The following CDH7 variants were observed in gnomAD, a reference collection of about 807,000 sequenced individuals.
CDH7 encodes cadherin 7.
Under a neutral mutation model 71.8 loss-of-function variants are expected in CDH7, and 25 were observed. The ratio of observed to expected loss-of-function variants is 0.35; its 90% confidence interval spans 0.25 to 0.49. CDH7 has a LOEUF of 0.49. Among genes scored for constraint, CDH7 ranks in the 20% least tolerant of loss-of-function variants. CDH7 has a pLI of 0.99. For synonymous variants in CDH7, 381 were observed against 363.8 expected, an observed-to-expected ratio of 1.05 and a Z score of -0.54; for missense variants, 862 against 974.6, an observed-to-expected ratio of 0.88 and a Z score of 1.54.
At chr18:65,837,835 A>G (rs1912584381) in intron 6 of CDH7, among the ~76,000 whole-genome samples, 1 of 152,076 alleles carries the variant, frequency 6.6e-6, no homozygotes, top group African/African-American at 2.4e-5. Flanking sequence ...ATTTAAATGT[A>G]CAGAATTATT....
At chr18:65,825,499 G>A in intron 6 of CDH7, among the ~76,000 whole-genome samples, 1 of 151,740 alleles carries the variant, frequency 6.6e-6, no homozygotes, top group East Asian at 1.9e-4. Context: ...TCAATTTAGA[G>A]ATATGACTTT....
At chr18:65,786,787 A>G (rs1402976526) in intron 2 of CDH7, among the ~76,000 whole-genome samples, 1 of 152,050 alleles carries the variant, frequency 6.6e-6, no homozygotes, top group African/African-American at 2.4e-5. Context: ...GGTCTCAAAC[A>G]ATCATCCCAC....
At chr18:65,784,529 G>T (rs1443156693) in intron 2 of CDH7, among the ~76,000 whole-genome samples, 3 of 152,136 alleles carry the variant, frequency 2.0e-5, no homozygotes, top group Admixed American at 2.0e-4. Flanking sequence ...ATTCCAGTGG[G>T]TGAAGTGCTC....
intron 11 of CDH7, among the ~76,000 whole-genome samples, chr18:65,867,325 G>A (rs184877731): frequency 6.6e-5 from 10 of 152,138 alleles, no homozygotes; most frequent in East Asian, 5.8e-4. Flanking sequence ...GTGAGCCACC[G>A]TGCCCGGCCT....
chr18:65,829,773 G>GTAGT (rs1274691256), intron 6 of CDH7, among the ~76,000 whole-genome samples: 1 of 98,050 alleles, frequency 1.0e-5, no homozygotes, highest in Admixed American at 1.1e-4. Context: ...TTCAAGGAAG[G>GTAGT]GAGTGTGTGT....
chr18:65,854,388 G>A (rs375326547), intron 7 of CDH7, among the ~76,000 whole-genome samples: 9 of 152,180 alleles, frequency 5.9e-5, no homozygotes, highest in African/African-American at 2.2e-4. Flanking sequence ...AACTTTTGTT[G>A]CCCATGTTTT....
At chr18:65,842,094 C>T (rs1465063116) in intron 6 of CDH7, among the ~76,000 whole-genome samples, 1 of 152,116 alleles carries the variant, frequency 6.6e-6, no homozygotes, top group African/African-American at 2.4e-5. Flanking sequence ...CCTTATCTCT[C>T]ATTTTAACCA....
rs1380843261 is a variant in CDH7 at position 65,809,846 on chromosome 18, A to G, written c.353A>G (p.Tyr118Cys). The G allele has an allele frequency of 6.2e-7, 1 of 1,613,810 alleles. No individual in the cohort carries two copies. The highest frequency in any genetic ancestry group is 8.5e-7 in the Non-Finnish European group (1 of 1,179,964). Residue 118 changes from tyrosine (Y) to cysteine (C), a missense_variant, in exon 3 of 12, where the codon TAC (tyrosine) becomes TGC (cysteine). Coordinates refer to ENST00000397968, the MANE Select transcript of CDH7 (RefSeq NM_004361.5). Reference sequence around the variant, plus strand: ...CTGGATCGTGAGGAGCAGGCCTACTACACGCTCCGAGCTCAAGCGCTGGAT... The same window carrying G: ...CTGGATCGTGAGGAGCAGGCCTACTGCACGCTCCGAGCTCAAGCGCTGGAT... ...KRLDREEQAY[Y>C]TLRAQALDRL...
chr18:65,781,954 TTCTCTCTTTC>T lies in CDH7; in HGVS notation c.210+18910_210+18919del, dbSNP rs1220771951. ...TCTCTCTCTCTCTCTCTTTCTCTCT[TTCTCTCTTTC>T]TCTCTCTCTCTCTCTCTCTCTCTTT... On this transcript the variant is annotated intron_variant, in intron 2 of 11. Transcript: ENST00000397968. 4.0e-4 allele frequency among the ~76,000 whole-genome samples: 34 copies of T among 83,984 alleles called. 7 individuals are homozygous for T. Among genetic ancestry groups the T allele is most frequent in the Middle Eastern group, 6.2e-3 (1 of 162 alleles). The allele number at this position is 83,984 out of a possible 152,430, so 55.1% of individuals were successfully genotyped here.
intron 5 of CDH7, among the ~76,000 whole-genome samples, chr18:65,823,524 T>G (rs1912014933): frequency 6.6e-6 from 1 of 151,916 alleles, no homozygotes; most frequent in African/African-American, 2.4e-5. Context: ...TATTCATTTT[T>G]GCTGGGATTT....
At chr18:65,869,119 A>G (rs747413994) in intron 11 of CDH7, among the ~76,000 whole-genome samples, 70 of 152,154 alleles carry the variant, frequency 4.6e-4, no homozygotes, top group Non-Finnish European at 9.4e-4. Context: ...TCTCGCTTGC[A>G]TCCTCCATGG....
At position 65,814,681 on chromosome 18, in the gene CDH7, G is replaced by C. The variant is rs1210181686; in HGVS notation, c.625+77G>C. 4.6e-6 allele frequency: 6 copies of C among 1,296,480 alleles called. No individual in the cohort carries two copies. In the African/African-American group the frequency reaches 9.0e-5, roughly 19 times the overall value. 80.3% of individuals were successfully genotyped at this position (1,296,480 alleles called of 1,614,324 possible). A position where few individuals can be genotyped will look rare whatever the true frequency, so the allele number is the denominator to read the frequency against. ...AGAATTAATATTATTTCTAAATATA[G>C]TTGACACTAATAACATACCATTTTA... On this transcript the variant is annotated intron_variant, in intron 4 of 11. Transcript: ENST00000397968.
At chr18:65,830,914 C>T (rs2143959467) in intron 6 of CDH7, among the ~76,000 whole-genome samples, 1 of 151,818 alleles carries the variant, frequency 6.6e-6, no homozygotes, top group African/African-American at 2.4e-5. Flanking sequence ...TTTTATGTCC[C>T]CCACACCTAG....
chr18:65,864,000 T>C (rs915787189), intron 11 of CDH7: 2 of 152,238 alleles, frequency 1.3e-5, no homozygotes, highest in Non-Finnish European at 2.9e-5. Context: ...TGGAAAATTA[T>C]AAGCTAAGAC....
chr18:65,830,823 C>T (rs191355643), intron 6 of CDH7, among the ~76,000 whole-genome samples: 157 of 150,494 alleles, frequency 1.0e-3, no homozygotes, highest in African/African-American at 3.2e-3. Context: ...TTGCCTCTTC[C>T]TGTCATGATA....
rs67650944 is a variant in CDH7 at position 65,837,924 on chromosome 18, A to ATTTTT, written c.982-5874_982-5870dup. ...TATGTTTATTTAGAGATTTAGAGTAATTTTTTTTTTTTTTTTTTGAGACGA... is the reference window on the plus strand; with the variant it reads ...TATGTTTATTTAGAGATTTAGAGTAATTTTTTTTTTTTTTTTTTTTTTTGAGACGA... On this transcript the variant is annotated intron_variant, in intron 6 of 11. Transcript: ENST00000397968. 8.0e-4 allele frequency among the ~76,000 whole-genome samples: 107 copies of ATTTTT among 133,316 alleles called. 2 individuals carry two copies. Among genetic ancestry groups the ATTTTT allele is most frequent in the African/African-American group, 2.2e-3 (77 of 35,126 alleles). 87.5% of individuals were successfully genotyped at this position (133,316 alleles called of 152,430 possible). A position where few individuals can be genotyped will look rare whatever the true frequency, so the allele number is the denominator to read the frequency against.
intron 2 of CDH7, among the ~76,000 whole-genome samples, chr18:65,790,580 T>C (rs112473283): frequency 0.011 from 1,671 of 152,272 alleles, 23 homozygotes; most frequent in African/African-American, 0.039. Flanking sequence ...ATCATTGTTA[T>C]AGACTTTGTA....
Position 65,783,051 on chromosome 18 carries a change from G to A in CDH7, c.210+19999G>A, listed in dbSNP as rs919415879. ...TTTCTTCAACCTTAGTTGGGAATGT[G>A]TGAATCAGAACACTCAGATGTTATG... On this transcript the variant is annotated intron_variant, in intron 2 of 11. Transcript: ENST00000397968. 4.6e-5 allele frequency among the ~76,000 whole-genome samples: 7 copies of A among 152,316 alleles called. No homozygotes were observed. The South Asian group carries it at 1.4e-3, about 32-fold the overall frequency.
At chr18:65,798,857 G>A (rs147932842) in intron 2 of CDH7, among the ~76,000 whole-genome samples, 75 of 152,284 alleles carry the variant, frequency 4.9e-4, no homozygotes, top group African/African-American at 1.8e-3. Flanking sequence ...ACCAGCACAC[G>A]AATGTTTCAT....
Sources: gnomAD v4.1 joint callset for allele counts (sites outside exome capture counted in the v4.1 genomes callset) on GRCh38, gnomAD v4.1.1 for gene constraint, MANE v1.5 for transcripts, NCBI Gene and HGNC (gene_info 2026-07-23, HGNC 2026-07-21) for gene names.